The following KIF5C variants were observed in gnomAD, a reference collection of about 807,000 sequenced individuals.
KIF5C encodes the protein kinesin family member 5C.
KIF5C carries 18 observed loss-of-function variants against 125.2 expected under a neutral mutation model. The observed-to-expected ratio is 0.14, with a 90% CI of 0.10 to 0.21. KIF5C has a LOEUF of 0.21. Ranked by LOEUF, KIF5C falls within the 10% of genes least tolerant of loss-of-function variation. The pLI is 1.00. For missense variants in KIF5C, 780 were observed against 1,183.8 expected, an observed-to-expected ratio of 0.66 and a Z score of 5.01; for synonymous variants, 405 against 434.0, an observed-to-expected ratio of 0.93 and a Z score of 0.83.
At chr2:148,947,498 C>T (rs930136725) in intron 8 of KIF5C, 1 of 191,292 alleles carries the variant, frequency 5.2e-6, no homozygotes, top group Admixed American at 5.5e-5. Context: ...CCTGGTTCTC[C>T]CAGCAGTAGG....
intron 10 of KIF5C, among the ~76,000 whole-genome samples, chr2:148,953,645 C>A (rs922239084): frequency 2.6e-5 from 4 of 152,168 alleles, no homozygotes; most frequent in South Asian, 4.1e-4. Flanking sequence ...AACCTTAGGG[C>A]AGCATGAGGT....
At chr2:149,013,967 A>G (rs916465931) in intron 25 of KIF5C, among the ~76,000 whole-genome samples, 5 of 152,028 alleles carry the variant, frequency 3.3e-5, no homozygotes, top group African/African-American at 9.7e-5. Flanking sequence ...CATGTGCTCA[A>G]TGTCCAGGTT....
chr2:148,907,292 C>A (rs1251489178), intron 1 of KIF5C, among the ~76,000 whole-genome samples: 1 of 152,204 alleles, frequency 6.6e-6, no homozygotes, highest in African/African-American at 2.4e-5. Context: ...GTCACAAGGA[C>A]CGCCTCCTTG....
rs1215264639 is a variant in KIF5C, at chr2:148,929,328, T to G, written c.265T>G (p.Ser89Ala). Residue 89 changes from serine to alanine, a missense_variant, in exon 3 of 26, where the codon TCA becomes GCA. Transcript: ENST00000435030. Reference protein sequence around the residue: ...NGTIFAYGQTSSGKTHTMEGK... With the variant: ...NGTIFAYGQTASGKTHTMEGK... ...GACGATTTTTGCGTATGGGCAGACT[T>G]CATCAGGAAAAACCCACACCATGGA... The G allele has an allele frequency of 2.0e-6, 3 of 1,535,940 alleles. No homozygotes were observed. The highest frequency in any genetic ancestry group is 2.6e-6 in the Non-Finnish European group (3 of 1,145,852).
At chr2:148,944,613 C>T (rs1682482621) in intron 7 of KIF5C, among the ~76,000 whole-genome samples, 1 of 152,158 alleles carries the variant, frequency 6.6e-6, no homozygotes, top group African/African-American at 2.4e-5. Context: ...GGTGTGCAAA[C>T]ATCTATTTGA....
chr2:148,963,567 A>C (rs1294675733), intron 11 of KIF5C, among the ~76,000 whole-genome samples: 1 of 152,222 alleles, frequency 6.6e-6, no homozygotes, highest in Non-Finnish European at 1.5e-5. Flanking sequence ...CTACTAGAAT[A>C]ATTGAATAAT....
chr2:148,962,762 G>A (rs560462312), intron 11 of KIF5C, among the ~76,000 whole-genome samples: 1 of 152,256 alleles, frequency 6.6e-6, no homozygotes, highest in South Asian at 2.1e-4. Flanking sequence ...TAGGTTAGAG[G>A]AAAGTGCCTG....
At chr2:148,911,631 AG>A (rs1681342758) in intron 1 of KIF5C, among the ~76,000 whole-genome samples, 1 of 152,194 alleles carries the variant, frequency 6.6e-6, no homozygotes. Flanking sequence ...GGGAGGACAA[AG>A]AAAAAACTTA....
intron 4 of KIF5C, among the ~76,000 whole-genome samples, chr2:148,939,786 T>G (rs1298323289): frequency 6.6e-6 from 1 of 152,218 alleles, no homozygotes; most frequent in Non-Finnish European, 1.5e-5. Context: ...GAAAATCTGC[T>G]CCTTAAATGA....
At chr2:148,991,338 A>C (rs773627161) in intron 16 of KIF5C, 140 bp downstream of exon 16, 144 of 1,392,116 alleles carry the variant, frequency 1.0e-4, no homozygotes, top group Non-Finnish European at 1.3e-4. Flanking sequence ...AGGTGATGGC[A>C]GCCCAGGTCT....
chr2:148,922,096 GT>G, intron 1 of KIF5C, 40 bp from the exon 2 acceptor site: 5 of 1,422,368 alleles, frequency 3.5e-6, no homozygotes, highest in Non-Finnish European at 4.9e-6. Flanking sequence ...CATCTAATGT[GT>G]TTTTTCCACC....
intron 1 of KIF5C, among the ~76,000 whole-genome samples, chr2:148,916,386 AT>A (rs970274537): frequency 3.0e-4 from 46 of 151,958 alleles, no homozygotes; most frequent in African/African-American, 1.1e-3. Flanking sequence ...AACAGGGTAA[AT>A]TTTTCTGGGG....
chr2:148,921,101 C>T (rs1681768346), intron 1 of KIF5C, among the ~76,000 whole-genome samples: 2 of 152,196 alleles, frequency 1.3e-5, no homozygotes, highest in Non-Finnish European at 2.9e-5. Context: ...CCACCACTTC[C>T]CCAGCACTCA....
chr2:148,952,354 C>T (rs897842714), intron 10 of KIF5C, among the ~76,000 whole-genome samples: 2 of 152,138 alleles, frequency 1.3e-5, no homozygotes, highest in Non-Finnish European at 2.9e-5. Context: ...TTTGCAAGGC[C>T]CAGTCACCTT....
chr2:148,934,333 A>G (rs541422407), intron 3 of KIF5C, among the ~76,000 whole-genome samples: 82 of 151,642 alleles, frequency 5.4e-4, no homozygotes, highest in South Asian at 3.8e-3. Flanking sequence ...AGATGTACAC[A>G]TCACACACAT....
In KIF5C at chr2:148,995,624, CTG is replaced by C. The variant is rs1452054475; in HGVS notation, c.2023+1088_2023+1089del. ...GCCATTTGAAAATACATATTAATAA[CTG>C]TAACATTTTTCATACCTTTTGATCA... On this transcript the variant is annotated intron_variant, in intron 17 of 25. Transcript: ENST00000435030. 5.9e-5 allele frequency among the ~76,000 whole-genome samples: 9 copies of C among 152,292 alleles called. No individual in the cohort carries two copies. The South Asian group carries it at 1.5e-3, about 25-fold the overall frequency.
At chr2:148,898,271 G>A (rs1448736237) in intron 1 of KIF5C, among the ~76,000 whole-genome samples, 1 of 152,178 alleles carries the variant, frequency 6.6e-6, no homozygotes, top group African/African-American at 2.4e-5. Flanking sequence ...CAGTAGAATA[G>A]GCAGGCTCAT....
rs192993081 is a variant in KIF5C, at chr2:149,013,932, T to A, written c.*7+2249T>A. Among the ~76,000 whole-genome samples, 400 of 152,282 alleles carry A rather than the reference T, an allele frequency of 2.6e-3. 3 individuals are homozygous for A. The highest frequency in any genetic ancestry group is 6.7e-3 in the African/African-American group (277 of 41,564). On this transcript the variant is annotated intron_variant, in intron 25 of 25. Transcript: ENST00000435030. ...CCTCACCCATTGTGGCATTTTTTTT[T>A]AATTTTACTTTAAGTTCTGGGATAC...
At chr2:148,921,028 G>C (rs556684297) in intron 1 of KIF5C, among the ~76,000 whole-genome samples, 2 of 152,276 alleles carry the variant, frequency 1.3e-5, no homozygotes, top group African/African-American at 4.8e-5. Context: ...CCTGGGCGGT[G>C]GTGGTAGAGA....
Sources: gnomAD v4.1 joint callset for allele counts (sites outside exome capture counted in the v4.1 genomes callset) on GRCh38, gnomAD v4.1.1 for gene constraint, MANE v1.5 for transcripts, NCBI Gene and HGNC (gene_info 2026-07-23, HGNC 2026-07-21) for gene names.